The following TRAPPC9 variants were observed in gnomAD, a reference collection of about 807,000 sequenced individuals.
The protein encoded by TRAPPC9 is IKK2 binding protein.
TRAPPC9 carries 83 observed loss-of-function variants against 124.0 expected under a neutral mutation model. The ratio of observed to expected loss-of-function variants is 0.67; its 90% CI spans 0.56 to 0.80. The LOEUF (loss-of-function observed/expected upper bound fraction) is 0.80. TRAPPC9 is among the 30% of genes least tolerant of loss of function. The pLI, the probability that TRAPPC9 is intolerant of heterozygous loss-of-function variation, is 0.00. For synonymous variants in TRAPPC9, 638 were observed against 617.5 expected (o/e 1.03, Z -0.49); for missense variants, 1,302 against 1,508.3 (o/e 0.86, Z 2.27).
intron 5 of TRAPPC9, among the ~76,000 whole-genome samples, chr8:140,407,964 A>T (rs2069554217): frequency 6.6e-6 from 1 of 152,206 alleles, no homozygotes; most frequent in Non-Finnish European, 1.5e-5. Context: ...AAAAATTTCT[A>T]TGTGGAGCAA....
At chr8:140,435,307 A>G in intron 3 of TRAPPC9, 67 bp from the exon 4 acceptor site, 2 of 1,559,576 alleles carry the variant, frequency 1.3e-6, no homozygotes, top group Non-Finnish European at 1.8e-6. Context: ...TCATTAGTCA[A>G]GTCAGTGACC....
chr8:140,384,842 C>A (rs573657877), intron 7 of TRAPPC9, among the ~76,000 whole-genome samples: 1 of 152,204 alleles, frequency 6.6e-6, no homozygotes, highest in South Asian at 2.1e-4. Flanking sequence ...ACAGAACTCT[C>A]CACCCCAAAT....
At chr8:140,191,462 G>A (rs923012740) in intron 17 of TRAPPC9, among the ~76,000 whole-genome samples, 29 of 152,096 alleles carry the variant, frequency 1.9e-4, no homozygotes, top group African/African-American at 5.3e-4. Flanking sequence ...TGAATGACTC[G>A]GCGCCATCCC....
chr8:140,234,844 C>G (rs1188859147), intron 16 of TRAPPC9, among the ~76,000 whole-genome samples: 1 of 152,166 alleles, frequency 6.6e-6, no homozygotes, highest in Admixed American at 6.5e-5. Flanking sequence ...AAAACTAAAA[C>G]AATACATTCT....
intron 17 of TRAPPC9, among the ~76,000 whole-genome samples, chr8:140,148,893 T>C (rs2130814168): frequency 6.6e-6 from 1 of 152,352 alleles, no homozygotes; most frequent in South Asian, 2.1e-4. Context: ...AATCTGTTCA[T>C]ACTTTATTGG....
At chr8:139,873,822 G>A (rs1294554348) in intron 21 of TRAPPC9, among the ~76,000 whole-genome samples, 1 of 152,208 alleles carries the variant, frequency 6.6e-6, no homozygotes, top group Non-Finnish European at 1.5e-5. Context: ...ATGTAGCCCT[G>A]GCTCTAGGAT....
chr8:140,028,483 A>G (rs1787582107), intron 17 of TRAPPC9, among the ~76,000 whole-genome samples: 2 of 152,238 alleles, frequency 1.3e-5, no homozygotes, highest in Admixed American at 6.5e-5. Flanking sequence ...GAGCCCCACA[A>G]GGGAAGTGCT....
At chr8:139,861,939 G>A (rs1232686102) in intron 21 of TRAPPC9, among the ~76,000 whole-genome samples, 1 of 151,828 alleles carries the variant, frequency 6.6e-6, no homozygotes, top group African/African-American at 2.4e-5. Context: ...ATGAAACTTT[G>A]TGTCCACGTG....
intron 19 of TRAPPC9, among the ~76,000 whole-genome samples, chr8:139,947,739 G>A (rs1834317590): frequency 1.3e-5 from 2 of 150,620 alleles, no homozygotes; most frequent in African/African-American, 4.9e-5. Flanking sequence ...ATGGTGGCGG[G>A]CACCTGTAAT....
At position 139,784,639 on chromosome 8, in the gene TRAPPC9, AT is replaced by A. The variant is rs1563810598; in HGVS notation, c.3056-52438del. Among the ~76,000 whole-genome samples, 10 of 144,032 alleles carry A rather than the reference AT, an allele frequency of 6.9e-5. 1 individual carries two copies. Among genetic ancestry groups the A allele is most frequent in the Admixed American group, 4.2e-4 (6 of 14,448 alleles). 94.5% of individuals were successfully genotyped at this position (144,032 alleles called of 152,430 possible). On this transcript the variant is annotated intron_variant, in intron 21 of 22. Transcript: ENST00000438773. ...TATATATATATATATATATATATATATATATAAATCAACTGCATTTCCATAT... is the reference window on the plus strand; with the variant it reads ...TATATATATATATATATATATATATAATATAAATCAACTGCATTTCCATAT...
intron 17 of TRAPPC9, among the ~76,000 whole-genome samples, chr8:140,102,279 G>A (rs2060593918): frequency 6.6e-6 from 1 of 152,138 alleles, no homozygotes; most frequent in African/African-American, 2.4e-5. Flanking sequence ...TTAAAAATAT[G>A]TCTAATGTGT....
chr8:139,932,520 T>C (rs1025417615), intron 19 of TRAPPC9: 2 of 456,070 alleles, frequency 4.4e-6, no homozygotes, highest in East Asian at 6.9e-5. Flanking sequence ...CCCAGCACTT[T>C]GGAAGGCCGA....
chr8:140,272,250 G>A (rs932775421), intron 15 of TRAPPC9, among the ~76,000 whole-genome samples: 4 of 145,314 alleles, frequency 2.8e-5, no homozygotes, highest in South Asian at 4.6e-4. Context: ...GTGGGGGTGG[G>A]GGTTGGGGTG....
chr8:140,351,265 G>A (rs549175813), intron 9 of TRAPPC9, among the ~76,000 whole-genome samples: 12 of 150,558 alleles, frequency 8.0e-5, no homozygotes, highest in Admixed American at 2.0e-4. Flanking sequence ...AGACAAAGAC[G>A]GCCAAATCCA....
chr8:140,229,543 T>C (rs1472131602), intron 16 of TRAPPC9, among the ~76,000 whole-genome samples: 4 of 151,240 alleles, frequency 2.6e-5, no homozygotes, highest in East Asian at 1.9e-4. Flanking sequence ...GCTGGAATTA[T>C]ATATAGGTGT....
intron 18 of TRAPPC9, among the ~76,000 whole-genome samples, chr8:140,005,607 T>G (rs1838697989): frequency 6.6e-6 from 1 of 151,964 alleles, no homozygotes; most frequent in South Asian, 2.1e-4. Flanking sequence ...TCCAGGACCT[T>G]CCTCACAGGA....
intron 17 of TRAPPC9, among the ~76,000 whole-genome samples, chr8:140,088,685 A>G (rs184910049): frequency 9.8e-5 from 15 of 152,344 alleles, no homozygotes; most frequent in Admixed American, 7.8e-4. Flanking sequence ...CTACTTCCTC[A>G]GGTTTTTCAC....
intron 20 of TRAPPC9, among the ~76,000 whole-genome samples, chr8:139,888,902 A>G (rs1040308316): frequency 3.3e-5 from 5 of 152,204 alleles, no homozygotes; most frequent in African/African-American, 1.2e-4. Flanking sequence ...CCCAACAGAC[A>G]GTCTTTTCAG....
At chr8:140,381,959 T>C (rs2068622953) in intron 7 of TRAPPC9, among the ~76,000 whole-genome samples, 2 of 152,188 alleles carry the variant, frequency 1.3e-5, no homozygotes, top group Admixed American at 1.3e-4. Context: ...GAACTGAAAA[T>C]ATGTGTTCCC....
Sources: gnomAD v4.1 joint callset for allele counts (sites outside exome capture counted in the v4.1 genomes callset) on GRCh38, gnomAD v4.1.1 for gene constraint, MANE v1.5 for transcripts, NCBI Gene and HGNC (gene_info 2026-07-23, HGNC 2026-07-21) for gene names.